SLC7A1: variants seen among roughly 807,000 people sequenced by gnomAD.
SLC7A1 encodes the protein solute carrier family 7 member 1, also known as high affinity cationic amino acid transporter 1.
SLC7A1 carries 10 observed loss-of-function variants against 53.9 expected under a neutral mutation model. That is an observed-to-expected ratio of 0.19 (90% CI 0.11 to 0.31). SLC7A1 has a LOEUF of 0.31. Ranked by LOEUF, SLC7A1 falls within the 10% of genes least tolerant of loss-of-function variation. The pLI is 1.00. For synonymous variants in SLC7A1, 342 were observed against 338.7 expected, an observed-to-expected ratio of 1.01 and a Z score of -0.11; for missense variants, 525 against 827.2, an observed-to-expected ratio of 0.63 and a Z score of 4.48.
At chr13:29,542,111 G>A (rs766077943) in intron 2 of SLC7A1, among the ~76,000 whole-genome samples, 10 of 152,038 alleles carry the variant, frequency 6.6e-5, no homozygotes, top group South Asian at 4.1e-4. Context: ...GTTCACCTAC[G>A]GGGAGTACAG....
At chr13:29,517,868 C>G (rs1593538934) in intron 9 of SLC7A1, 78 bp from the exon 10 acceptor site, 7 of 1,137,864 alleles carry the variant, frequency 6.2e-6, no homozygotes, top group Non-Finnish European at 9.3e-6. Flanking sequence ...TCTCAATAAG[C>G]CTCCAAAGTG....
intron 2 of SLC7A1, among the ~76,000 whole-genome samples, chr13:29,543,115 G>A (rs748180137): frequency 3.9e-5 from 6 of 152,208 alleles, no homozygotes; most frequent in Non-Finnish European, 7.3e-5. Context: ...AGCACAGAGT[G>A]GTGGGGTTGC....
At chr13:29,592,201 C>T (rs1254377286) in intron 1 of SLC7A1, among the ~76,000 whole-genome samples, 1 of 152,212 alleles carries the variant, frequency 6.6e-6, no homozygotes, top group African/African-American at 2.4e-5. Context: ...CTCAGTCACA[C>T]GGCTCTGATT....
chr13:29,566,544 A>G (rs564251186), intron 1 of SLC7A1, among the ~76,000 whole-genome samples: 1 of 152,254 alleles, frequency 6.6e-6, no homozygotes, highest in Non-Finnish European at 1.5e-5. Context: ...ATTCCGTGTC[A>G]TGCCACTTAT....
At position 29,509,748 on chromosome 13, in the gene SLC7A1, C is replaced by T. The variant is rs1883339617; in HGVS notation, c.*4732G>A. ...ACAAGCAAAAAAATATACAAATGTA[C>T]ATAATAAAAAACACACAACTCTTAA... On this transcript the variant is annotated 3_prime_UTR_variant, in exon 13 of 13. Transcript: ENST00000380752. 6.6e-6 allele frequency: 1 copy of T among 152,268 alleles called. No homozygotes were observed. Among genetic ancestry groups the T allele is most frequent in the South Asian group, 2.1e-4 (1 of 4,804 alleles). 9.4% of individuals were successfully genotyped at this position (152,268 alleles called of 1,614,324 possible).
chr13:29,539,383 A>G (rs575965961), intron 2 of SLC7A1, among the ~76,000 whole-genome samples: 1 of 152,312 alleles, frequency 6.6e-6, no homozygotes, highest in South Asian at 2.1e-4. Context: ...TGCAAAGCCT[A>G]TGTGCACACA....
chr13:29,533,642 C>G (rs575829562), intron 3 of SLC7A1, among the ~76,000 whole-genome samples: 22 of 152,336 alleles, frequency 1.4e-4, no homozygotes, highest in African/African-American at 4.3e-4. Context: ...GAGTGCAGGA[C>G]AGCAGACAGA....
intron 8 of SLC7A1, among the ~76,000 whole-genome samples, chr13:29,521,920 G>T (rs974791917): frequency 9.2e-5 from 14 of 152,192 alleles, no homozygotes; most frequent in Admixed American, 9.2e-4. Context: ...GTTTTCCAGA[G>T]AATTCAGAAA....
At position 29,592,132 on chromosome 13, in the gene SLC7A1, C is replaced by T. The variant is rs1378852262; in HGVS notation, c.-115+3284G>A. 2.6e-5 allele frequency among the ~76,000 whole-genome samples: 4 copies of T among 152,212 alleles called. No homozygotes were observed. In the East Asian group the frequency reaches 7.7e-4, roughly 29 times the overall value. Reference sequence around the variant, plus strand: ...GTCCCAACTCCCCTCAAAGAAGCATCCTTCGTTTCAGGGCAGATAATCATC... The same window carrying T: ...GTCCCAACTCCCCTCAAAGAAGCATTCTTCGTTTCAGGGCAGATAATCATC... On this transcript the variant is annotated intron_variant, in intron 1 of 12. Coordinates refer to ENST00000380752, the MANE Select transcript of SLC7A1 (RefSeq NM_003045.5).
chr13:29,568,598 G>T (rs1245739510), intron 1 of SLC7A1, among the ~76,000 whole-genome samples: 1 of 152,222 alleles, frequency 6.6e-6, no homozygotes, highest in Non-Finnish European at 1.5e-5. Flanking sequence ...AGCACACAGG[G>T]GAGTGACGAT....
intron 2 of SLC7A1, 130 bp from the exon 3 acceptor site, chr13:29,536,332 T>C (rs1869418552): frequency 1.0e-6 from 1 of 956,584 alleles, no homozygotes; most frequent in East Asian, 2.4e-5. Context: ...ACGCTTTAAT[T>C]CGTAGAATTC....
chr13:29,587,392 G>A (rs988463744), intron 1 of SLC7A1, among the ~76,000 whole-genome samples: 2 of 152,182 alleles, frequency 1.3e-5, no homozygotes, highest in African/African-American at 4.8e-5. Context: ...CCTTTCCCTA[G>A]GAACTTTTGA....
intron 11 of SLC7A1, 60 bp from the exon 12 acceptor site, chr13:29,516,306 A>G: frequency 9.2e-7 from 1 of 1,081,494 alleles, no homozygotes; most frequent in Non-Finnish European, 1.4e-6. Flanking sequence ...ATAGTTCAGT[A>G]AAACTGTCTA....
chr13:29,583,379 C>A (rs1270385194), intron 1 of SLC7A1, among the ~76,000 whole-genome samples: 1 of 152,226 alleles, frequency 6.6e-6, no homozygotes, highest in African/African-American at 2.4e-5. Context: ...CCAAGTACCT[C>A]CCCAGGGTGG....
chr13:29,590,795 AGTT>A (rs1485660341), intron 1 of SLC7A1, among the ~76,000 whole-genome samples: 2 of 152,158 alleles, frequency 1.3e-5, no homozygotes, highest in African/African-American at 4.8e-5. Context: ...AGCGAAATTA[AGTT>A]GTTGTAAAAA....
rs903811202 is a variant in SLC7A1 at position 29,513,224 on chromosome 13, C to T, written c.*1256G>A. 6.6e-6 allele frequency: 1 copy of T among 152,592 alleles called. No homozygotes were observed. Among genetic ancestry groups the T allele is most frequent in the Admixed American group, 6.5e-5 (1 of 15,282 alleles). 9.5% of individuals were successfully genotyped at this position (152,592 alleles called of 1,614,324 possible). A position where few individuals can be genotyped will look rare whatever the true frequency, so the allele number is the denominator to read the frequency against. On this transcript the variant is annotated 3_prime_UTR_variant, in exon 13 of 13. Coordinates refer to ENST00000380752, the MANE Select transcript of SLC7A1 (RefSeq NM_003045.5). The stretch of plus-strand genomic sequence containing the variant: ...CTCGGGTCTCTCCCACTTGCAGAGG[C>T]GTGGGGTCCGAAGCATCCGGATGAC...
At chr13:29,550,103 T>G (rs1273353525) in intron 2 of SLC7A1, among the ~76,000 whole-genome samples, 1 of 152,200 alleles carries the variant, frequency 6.6e-6, no homozygotes, top group Non-Finnish European at 1.5e-5. Context: ...TTCACTGACA[T>G]GCCAGTCATC....
Position 29,516,912 on chromosome 13 carries a change from A to T in SLC7A1, c.1677+232T>A, listed in dbSNP as rs200511040. 3 of 444,816 alleles carry T rather than the reference A, an allele frequency of 6.7e-6. No homozygotes were observed. The East Asian group carries it at 1.0e-4, about 16-fold the overall frequency. The allele number at this position is 444,816 out of a possible 1,614,324, so 27.6% of individuals were successfully genotyped here. ...GGCCTGTGTCATGCAGGAAGGTGTC[A>T]GCCTGCCCTTGACTACTCAGGGAAA... On this transcript the variant is annotated intron_variant, in intron 11 of 12. Coordinates refer to ENST00000380752, the MANE Select transcript of SLC7A1 (RefSeq NM_003045.5).
At chr13:29,584,198 C>A (rs1246350960) in intron 1 of SLC7A1, among the ~76,000 whole-genome samples, 2 of 151,940 alleles carry the variant, frequency 1.3e-5, no homozygotes, top group East Asian at 3.9e-4. Flanking sequence ...ACTGCAACCT[C>A]CACCTCCTGG....
Sources: gnomAD v4.1 joint callset for allele counts (sites outside exome capture counted in the v4.1 genomes callset) on GRCh38, gnomAD v4.1.1 for gene constraint, MANE v1.5 for transcripts, NCBI Gene and HGNC (gene_info 2026-07-23, HGNC 2026-07-21) for gene names.